LUZP2: variants seen among roughly 807,000 people sequenced by gnomAD.
LUZP2 encodes leucine zipper protein 2.
LUZP2 carries 52 observed loss-of-function variants against 51.6 expected under a neutral mutation model. The ratio of observed to expected loss-of-function variants is 1.01; its 90% CI spans 0.81 to 1.27. LUZP2 has a LOEUF of 1.27. LUZP2 is among the 50% of genes most tolerant of loss of function. LUZP2 has a pLI of 0.00. For synonymous variants in LUZP2, 154 were observed against 137.3 expected, an observed-to-expected ratio of 1.12 and a Z score of -0.85; for missense variants, 436 against 395.4, an observed-to-expected ratio of 1.10 and a Z score of -0.87.
Position 25,037,438 on chromosome 11 carries a change from G to A in LUZP2, c.766-12600G>A, listed in dbSNP as rs142586149. Among the ~76,000 whole-genome samples the A allele has an allele frequency of 2.9e-3, 441 of 152,092 alleles. 3 individuals carry two copies. The highest frequency in any genetic ancestry group is 1.0e-2 in the African/African-American group (414 of 41,496). On this transcript the variant is annotated intron_variant, in intron 9 of 11. Coordinates refer to ENST00000336930, the MANE Select transcript of LUZP2 (RefSeq NM_001009909.4). ...ACACTCTGTATCTTTTAAATCAAAT[G>A]TTTAGCCCATTTACATTCAAGGTTA...
At chr11:25,052,169 A>G (rs898651136) in intron 10 of LUZP2, among the ~76,000 whole-genome samples, 4 of 152,234 alleles carry the variant, frequency 2.6e-5, no homozygotes, top group African/African-American at 9.6e-5. Flanking sequence ...TAGAGTGCTC[A>G]GTATTCAGAG....
chr11:25,045,219 A>G (rs1340148575), intron 9 of LUZP2, among the ~76,000 whole-genome samples: 2 of 150,866 alleles, frequency 1.3e-5, no homozygotes, highest in African/African-American at 5.0e-5. Context: ...ATAATAAAAG[A>G]AAAAAAATGA....
intron 5 of LUZP2, among the ~76,000 whole-genome samples, chr11:24,896,586 C>T (rs905009905): frequency 6.6e-6 from 1 of 152,176 alleles, no homozygotes; most frequent in Non-Finnish European, 1.5e-5. Context: ...CCGCCTCCCC[C>T]CATGGGATAC....
intron 7 of LUZP2, among the ~76,000 whole-genome samples, chr11:24,918,111 T>C (rs1229620688): frequency 6.6e-6 from 1 of 151,952 alleles, no homozygotes; most frequent in East Asian, 1.9e-4. Flanking sequence ...TGAATGGGAG[T>C]TCACTCATGA....
chr11:24,764,981 G>A (rs1238969660), intron 5 of LUZP2, among the ~76,000 whole-genome samples: 2 of 152,054 alleles, frequency 1.3e-5, no homozygotes, highest in African/African-American at 4.8e-5. Context: ...AATAATATCT[G>A]CTAAATATGA....
chr11:24,678,965 G>A (rs1046573722), intron 1 of LUZP2, among the ~76,000 whole-genome samples: 3 of 152,204 alleles, frequency 2.0e-5, no homozygotes, highest in Admixed American at 6.5e-5. Flanking sequence ...TTTAGACTAA[G>A]TGTTATGTCC....
chr11:24,914,234 C>T (rs1271025791), intron 6 of LUZP2, among the ~76,000 whole-genome samples: 9 of 152,054 alleles, frequency 5.9e-5, no homozygotes, highest in Admixed American at 5.9e-4. Flanking sequence ...GGAGGAAGAA[C>T]AATAATCGAC....
At chr11:25,050,194 C>A in intron 10 of LUZP2, 64 bp downstream of exon 10, 1 of 846,378 alleles carries the variant, frequency 1.2e-6, no homozygotes, top group Non-Finnish European at 1.8e-6. Flanking sequence ...AGCATTTTAG[C>A]AATTCTAATT....
At chr11:24,860,262 C>T (rs7130912) in intron 5 of LUZP2, among the ~76,000 whole-genome samples, 23,650 of 152,102 alleles carry the variant, frequency 0.16, 1,992 homozygotes, top group African/African-American at 0.21. Context: ...CTCGAGTAAC[C>T]CCAGGCAGAG....
At chr11:24,626,830 A>G (rs138805367) in intron 1 of LUZP2, among the ~76,000 whole-genome samples, 1 of 152,312 alleles carries the variant, frequency 6.6e-6, no homozygotes, top group East Asian at 1.9e-4. Flanking sequence ...AATCTGCTTC[A>G]CTTTATAATG....
intron 1 of LUZP2, among the ~76,000 whole-genome samples, chr11:24,589,781 C>T (rs1355886252): frequency 6.6e-6 from 1 of 151,980 alleles, no homozygotes; most frequent in East Asian, 1.9e-4. Context: ...TGACCTGTTG[C>T]CTCATTTCTT....
At chr11:24,905,661 A>G (rs1313020886) in intron 5 of LUZP2, among the ~76,000 whole-genome samples, 1 of 152,216 alleles carries the variant, frequency 6.6e-6, no homozygotes, top group South Asian at 2.1e-4. Flanking sequence ...TATAGACTGT[A>G]TTTTAGGACG....
intron 1 of LUZP2, among the ~76,000 whole-genome samples, chr11:24,501,794 C>T (rs1509601): frequency 0.55 from 84,152 of 151,960 alleles, 24,302 homozygotes; most frequent in African/African-American, 0.73. Context: ...TCTAGTCATA[C>T]ATACAAATAA....
intron 1 of LUZP2, among the ~76,000 whole-genome samples, chr11:24,677,193 G>T (rs899059275): frequency 6.6e-6 from 1 of 151,922 alleles, no homozygotes; most frequent in Non-Finnish European, 1.5e-5. Flanking sequence ...TGTAACAGCC[G>T]CCCTCATGCT....
chr11:24,616,898 A>C (rs1423392532), intron 1 of LUZP2, among the ~76,000 whole-genome samples: 2 of 152,186 alleles, frequency 1.3e-5, no homozygotes, highest in African/African-American at 4.8e-5. Flanking sequence ...TCTTTGGTTG[A>C]GGTTTGTTTT....
chr11:24,935,419 A>C (rs1208868523), intron 7 of LUZP2, among the ~76,000 whole-genome samples: 1 of 152,186 alleles, frequency 6.6e-6, no homozygotes, highest in Non-Finnish European at 1.5e-5. Context: ...CTGTTTAAAA[A>C]TTACTTTTTC....
At chr11:25,042,653 G>C (rs889386165) in intron 9 of LUZP2, among the ~76,000 whole-genome samples, 1 of 152,072 alleles carries the variant, frequency 6.6e-6, no homozygotes, top group Non-Finnish European at 1.5e-5. Flanking sequence ...AATCTGCCAG[G>C]ACTATACTTC....
At chr11:25,019,853 C>T (rs761267231) in intron 9 of LUZP2, among the ~76,000 whole-genome samples, 1 of 152,080 alleles carries the variant, frequency 6.6e-6, no homozygotes, top group Non-Finnish European at 1.5e-5. Context: ...GATCTAGTGT[C>T]ACATACTTTA....
At chr11:24,693,572 A>G (rs1857145882) in intron 1 of LUZP2, among the ~76,000 whole-genome samples, 1 of 152,004 alleles carries the variant, frequency 6.6e-6, no homozygotes, top group Non-Finnish European at 1.5e-5. Flanking sequence ...TTAAAACTCA[A>G]CAATAAAACA....
Sources: allele counts gnomAD v4.1 joint callset (sites outside exome capture counted in the v4.1 genomes callset), GRCh38; gene constraint gnomAD v4.1.1; transcripts MANE v1.5; gene names NCBI Gene and HGNC (gene_info 2026-07-23, HGNC 2026-07-21).